The following PYHIN1 variants were observed in gnomAD, a reference collection of about 807,000 sequenced individuals.
The protein encoded by PYHIN1 is pyrin and HIN domain family member 1.
Under a neutral mutation model 43.7 loss-of-function variants are expected in PYHIN1, and 32 were observed. The ratio of observed to expected loss-of-function variants is 0.73; its 90% CI spans 0.55 to 0.98. The LOEUF (loss-of-function observed/expected upper bound fraction) is 0.98. Among genes scored for constraint, PYHIN1 ranks in the 50% least tolerant of loss-of-function variants. PYHIN1 has a pLI of 0.00. For synonymous variants in PYHIN1, 205 were observed against 203.1 expected (o/e 1.01, Z -0.08); for missense variants, 588 against 589.5 (o/e 1.00, Z 0.03).
intron 1 of PYHIN1, among the ~76,000 whole-genome samples, chr1:158,934,231 A>G (rs1451237655): frequency 6.6e-6 from 1 of 152,222 alleles, no homozygotes; most frequent in Non-Finnish European, 1.5e-5. Context: ...TTTCAGCATC[A>G]AAACATATGA....
chr1:158,952,618 C>T (rs1320065631), intron 7 of PYHIN1, among the ~76,000 whole-genome samples: 1 of 152,148 alleles, frequency 6.6e-6, no homozygotes, highest in Non-Finnish European at 1.5e-5. Flanking sequence ...GTTCCTCCTC[C>T]TTCCCCTTTT....
intron 7 of PYHIN1, among the ~76,000 whole-genome samples, chr1:158,969,498 T>C (rs1650818509): frequency 6.6e-6 from 1 of 152,042 alleles, no homozygotes; most frequent in African/African-American, 2.4e-5. Context: ...AGGACTCCTA[T>C]GTAAGGAGTT....
At chr1:158,958,756 T>TA (rs201845506) in intron 7 of PYHIN1, among the ~76,000 whole-genome samples, 9,003 of 69,474 alleles carry the variant, frequency 0.13, 445 homozygotes, top group Middle Eastern at 0.19. Flanking sequence ...TAAAGTATAA[T>TA]AAAAAAAAAG....
downstream of PYHIN1, among the ~76,000 whole-genome samples, chr1:158,979,287 G>A (rs547286137): frequency 6.6e-6 from 1 of 152,218 alleles, no homozygotes; most frequent in African/African-American, 2.4e-5. Context: ...TATACCCATC[G>A]AATAGCAGCT....
At chr1:158,945,918 AT>A (rs1291818950) in intron 7 of PYHIN1, among the ~76,000 whole-genome samples, 1 of 152,214 alleles carries the variant, frequency 6.6e-6, no homozygotes, top group Non-Finnish European at 1.5e-5. Context: ...ATAGAAGAAA[AT>A]AGACACACTC....
chr1:158,933,741 A>G lies in PYHIN1; in HGVS notation c.-21+1965A>G, dbSNP rs550565015. On this transcript the variant is annotated intron_variant, in intron 1 of 8. Coordinates refer to ENST00000368140, the MANE Select transcript of PYHIN1 (RefSeq NM_152501.5). The surrounding 1 kb of genome is among the most constrained non-coding windows in gnomAD (Gnocchi z 6.3). ...CCATCTCACCCTTTAAGACAATTAC[A>G]TTAGTAAACTCATATTCTTTTTCTT... is the stretch of plus-strand genomic sequence containing the variant. 2.0e-5 allele frequency among the ~76,000 whole-genome samples: 3 copies of G among 152,184 alleles called. No homozygotes were observed. In the East Asian group the frequency reaches 5.8e-4, roughly 29 times the overall value.
At chr1:158,977,887 A>G (rs1157805993), downstream of PYHIN1, among the ~76,000 whole-genome samples, 1 of 152,106 alleles carries the variant, frequency 6.6e-6, no homozygotes, top group Non-Finnish European at 1.5e-5. Flanking sequence ...ATAAGATGCA[A>G]ATTAAACAAT....
intron 7 of PYHIN1, among the ~76,000 whole-genome samples, chr1:158,959,223 G>T (rs1420800398): frequency 6.6e-6 from 1 of 152,104 alleles, no homozygotes; most frequent in Non-Finnish European, 1.5e-5. Context: ...TATTCTGCCT[G>T]TCAGCTGAGC....
At position 158,945,001 on chromosome 1, in the gene PYHIN1, C is replaced by T. The variant is rs1434732005; in HGVS notation, c.1318C>T (p.Gln440Ter). 6.2e-7 allele frequency: 1 copy of T among 1,613,904 alleles called. No individual in the cohort carries two copies. Among genetic ancestry groups the T allele is most frequent in the Non-Finnish European group, 8.5e-7 (1 of 1,179,856 alleles). Residue 440 changes from glutamine (Q) to a stop codon, truncating the protein, a stop_gained, in exon 7 of 9, where the codon CAG becomes TAG. Transcript: ENST00000368140. LOFTEE classifies it high-confidence loss of function. Reference protein sequence around the residue: ...TLPESHLKTPQMPPTTPSSSS... With the variant: ...TLPESHLKTP The stretch of plus-strand genomic sequence containing the variant: ...ACCTGAAAGCCATCTCAAGACTCCT[C>T]AGATGCCACCAACAACCCCATCCAG...
At chr1:158,937,542 T>G (rs567362767) in intron 2 of PYHIN1, among the ~76,000 whole-genome samples, 19 of 152,330 alleles carry the variant, frequency 1.2e-4, no homozygotes, top group Admixed American at 1.0e-3. Flanking sequence ...TTGAGAATAT[T>G]CAACACACCA....
chr1:158,975,804 GAC>G (rs1173617275), intron 8 of PYHIN1, among the ~76,000 whole-genome samples: 1 of 152,042 alleles, frequency 6.6e-6, no homozygotes, highest in Non-Finnish European at 1.5e-5. Flanking sequence ...CATCAATAGA[GAC>G]ATAGTTGTTA....
chr1:158,953,196 G>T (rs1241832701), intron 7 of PYHIN1, among the ~76,000 whole-genome samples: 1 of 18,506 alleles, frequency 5.4e-5, no homozygotes. Flanking sequence ...CCATTGCCCA[G>T]GCTTATTAGG....
chr1:158,947,964 C>A (rs1402824861), intron 7 of PYHIN1, among the ~76,000 whole-genome samples: 1 of 152,158 alleles, frequency 6.6e-6, no homozygotes, highest in Non-Finnish European at 1.5e-5. Context: ...GAGACTTTTA[C>A]AAAACCTTCC....
chr1:158,979,229 T>C (rs1225158165), downstream of PYHIN1, among the ~76,000 whole-genome samples: 4 of 152,176 alleles, frequency 2.6e-5, no homozygotes, highest in Admixed American at 2.6e-4. Flanking sequence ...AAGCACAGTG[T>C]TGTGCAGCAG....
chr1:158,938,989 A>G, intron 3 of PYHIN1, 91 bp from the exon 4 acceptor site: 2 of 983,374 alleles, frequency 2.0e-6, no homozygotes, highest in Non-Finnish European at 2.8e-6. Flanking sequence ...AAAACAATTT[A>G]TATACAATAA....
rs1306368739 is a variant in PYHIN1 at position 158,931,623 on chromosome 1, A to C, written c.-174A>C. The C allele has an allele frequency of 6.6e-6, 1 of 152,204 alleles. No individual in the cohort carries two copies. Among genetic ancestry groups the C allele is most frequent in the Non-Finnish European group, 1.5e-5 (1 of 68,038 alleles). 9.4% of individuals were successfully genotyped at this position (152,204 alleles called of 1,614,324 possible). A position where few individuals can be genotyped will look rare whatever the true frequency, so the allele number is the denominator to read the frequency against. The stretch of plus-strand genomic sequence containing the variant: ...ATTTTCCCTTGTTGTCTTTGAAAAT[A>C]CTTCATTTTCTTAGCATTTCAGGAG... On this transcript the variant is annotated 5_prime_UTR_variant, in exon 1 of 9. Coordinates refer to ENST00000368140, the MANE Select transcript of PYHIN1 (RefSeq NM_152501.5).
chr1:158,950,748 G>T (rs1455744973), intron 7 of PYHIN1, among the ~76,000 whole-genome samples: 1 of 152,158 alleles, frequency 6.6e-6, no homozygotes, highest in Admixed American at 6.5e-5. Context: ...TGTTTCTTGA[G>T]CATATTTTTA....
At chr1:158,944,300 A>G (rs1322498466) in intron 6 of PYHIN1, among the ~76,000 whole-genome samples, 1 of 152,190 alleles carries the variant, frequency 6.6e-6, no homozygotes, top group East Asian at 1.9e-4. Context: ...TATCTTGCTC[A>G]TTGGTTGCAT....
At chr1:158,948,618 T>G (rs1463008530) in intron 7 of PYHIN1, among the ~76,000 whole-genome samples, 1 of 152,232 alleles carries the variant, frequency 6.6e-6, no homozygotes, top group Non-Finnish European at 1.5e-5. Context: ...TCTGGCCATA[T>G]TATCTATAAA....
Sources: gnomAD v4.1 joint callset for allele counts (sites outside exome capture counted in the v4.1 genomes callset) on GRCh38, gnomAD v4.1.1 for gene constraint, Gnocchi (gnomAD v3.1) non-coding constraint, MANE v1.5 for transcripts, NCBI Gene and HGNC (gene_info 2026-07-23, HGNC 2026-07-21) for gene names.